Variants in TMEM108 observed in about 807,000 individuals in gnomAD.
TMEM108 encodes cancer/testis antigen 124.
Under a neutral mutation model 35.1 loss-of-function variants are expected in TMEM108, and 12 were observed. The observed-to-expected ratio is 0.34, with a 90% CI of 0.22 to 0.55. TMEM108 has a LOEUF of 0.55. Ranked by LOEUF, TMEM108 falls within the 20% of genes least tolerant of loss-of-function variation. The probability of loss-of-function intolerance (pLI) is 0.89; values close to 1 mark genes in which losing one functional copy is unlikely to be tolerated. For missense variants in TMEM108, 680 were observed against 753.3 expected (o/e 0.90, Z 1.14); for synonymous variants, 287 against 308.6 (o/e 0.93, Z 0.73).
intron 2 of TMEM108, among the ~76,000 whole-genome samples, chr3:133,057,433 GTGTATATATATATATATATA>G (rs1261842935): frequency 3.1e-3 from 77 of 24,852 alleles, no homozygotes; most frequent in African/African-American, 5.9e-3. Flanking sequence ...GTGTGTGTGT[GTGTATATATATATATATATA>G]TATATATATA....
intron 3 of TMEM108, among the ~76,000 whole-genome samples, chr3:133,311,041 A>G (rs1299077210): frequency 2.6e-5 from 4 of 152,182 alleles, no homozygotes; most frequent in South Asian, 2.1e-4. Context: ...AAGAATGTTG[A>G]ATATTGACCC....
chr3:133,380,467 A>C lies in TMEM108; in HGVS notation c.756A>C (p.Thr252=), dbSNP rs1414761183. The C allele has an allele frequency of 3.7e-6, 6 of 1,613,942 alleles. No individual in the cohort carries two copies. Among genetic ancestry groups the C allele is most frequent in the Non-Finnish European group, 5.1e-6 (6 of 1,179,980 alleles). Reference sequence around the variant, plus strand: ...ACTCCTCTTCACCACAGCCCCAGACAGTGGCTGCGACCACAGTGCCCAGCA... The same window carrying C: ...ACTCCTCTTCACCACAGCCCCAGACCGTGGCTGCGACCACAGTGCCCAGCA... ...WGYSSSPQPQ[T]VAATTVPSNT... is the part of the protein sequence containing the mutation. Residue 252 remains threonine (T), a synonymous_variant, in exon 4 of 6, where the codon ACA becomes ACC. Transcript: ENST00000321871. This position sits in a 1 kb window ranked among gnomAD's most constrained non-coding sequence, Gnocchi z 5.3.
chr3:133,248,519 G>C (rs1293306743), intron 3 of TMEM108: 2 of 152,184 alleles, frequency 1.3e-5, no homozygotes, highest in Non-Finnish European at 2.9e-5. Flanking sequence ...CCAGTGAACT[G>C]CTCCAGCCTT....
chr3:133,107,275 T>C (rs1370559927), intron 2 of TMEM108, among the ~76,000 whole-genome samples: 2 of 152,250 alleles, frequency 1.3e-5, no homozygotes, highest in East Asian at 1.9e-4. Context: ...TCTTAAAATA[T>C]GTATCTGCCT....
At chr3:133,368,485 T>A (rs1559932128) in intron 3 of TMEM108, among the ~76,000 whole-genome samples, 1 of 152,218 alleles carries the variant, frequency 6.6e-6, no homozygotes, top group African/African-American at 2.4e-5. Flanking sequence ...AATTGTGGAA[T>A]GAGAGGGTCT....
At chr3:133,075,755 G>A (rs938899064) in intron 2 of TMEM108, among the ~76,000 whole-genome samples, 9 of 152,108 alleles carry the variant, frequency 5.9e-5, no homozygotes, top group African/African-American at 2.2e-4. Context: ...AAGATCCCTG[G>A]GGAAAGATCA....
At chr3:133,081,395 T>A (rs961975147) in intron 2 of TMEM108, among the ~76,000 whole-genome samples, 5 of 152,158 alleles carry the variant, frequency 3.3e-5, no homozygotes, top group African/African-American at 1.2e-4. Flanking sequence ...AAGGCACTAA[T>A]CTCATCATAG....
intron 3 of TMEM108, among the ~76,000 whole-genome samples, chr3:133,321,666 T>C (rs1419752777): frequency 6.6e-6 from 1 of 152,156 alleles, no homozygotes; most frequent in Non-Finnish European, 1.5e-5. Flanking sequence ...AACTATGCCC[T>C]AGAACAAATG....
intron 3 of TMEM108, among the ~76,000 whole-genome samples, chr3:133,376,835 G>A (rs1180987057): frequency 2.0e-5 from 3 of 152,142 alleles, no homozygotes; most frequent in African/African-American, 7.2e-5. Flanking sequence ...TCCTTTTTCA[G>A]AGGATCTCTT....
At chr3:133,092,884 G>A (rs1943967001) in intron 2 of TMEM108, among the ~76,000 whole-genome samples, 1 of 151,968 alleles carries the variant, frequency 6.6e-6, no homozygotes. Context: ...ACAAAGCTGT[G>A]TAATCATCTA....
chr3:133,165,471 C>T (rs114798529), intron 2 of TMEM108, among the ~76,000 whole-genome samples: 2,704 of 152,198 alleles, frequency 0.018, 76 homozygotes, highest in African/African-American at 0.062. Flanking sequence ...ATTAAAAACT[C>T]CTCATGACAT....
At chr3:133,216,798 G>GTA (rs1381744624) in intron 2 of TMEM108, among the ~76,000 whole-genome samples, 4 of 152,030 alleles carry the variant, frequency 2.6e-5, no homozygotes, top group East Asian at 1.9e-4. Context: ...TCCATTGTGT[G>GTA]TATATATATA....
intron 2 of TMEM108, among the ~76,000 whole-genome samples, chr3:133,072,686 C>T (rs941178376): frequency 2.0e-5 from 3 of 152,032 alleles, no homozygotes; most frequent in African/African-American, 7.2e-5. Flanking sequence ...ATAAAATGCA[C>T]CTTTTAAAAA....
chr3:133,143,976 A>ATTTTAT (rs1261329215), intron 2 of TMEM108, among the ~76,000 whole-genome samples: 4 of 139,068 alleles, frequency 2.9e-5, no homozygotes, highest in African/African-American at 1.2e-4. Flanking sequence ...ATTTTATTTT[A>ATTTTAT]TTTTATTTTG....
At chr3:133,325,732 TAATAA>T (rs200995450) in intron 3 of TMEM108, among the ~76,000 whole-genome samples, 1,915 of 149,532 alleles carry the variant, frequency 0.013, 15 homozygotes, top group South Asian at 0.024. Context: ...ATATAAAAAA[TAATAA>T]AATAAAAATA....
chr3:133,115,028 A>C (rs569949447), intron 2 of TMEM108, among the ~76,000 whole-genome samples: 4 of 152,176 alleles, frequency 2.6e-5, no homozygotes, highest in African/African-American at 7.2e-5. Context: ...GAAATCAACA[A>C]ACAAGACCCT....
At chr3:133,123,189 G>T (rs568619160) in intron 2 of TMEM108, among the ~76,000 whole-genome samples, 5 of 151,956 alleles carry the variant, frequency 3.3e-5, no homozygotes, top group African/African-American at 7.3e-5. Flanking sequence ...ATTTTTAATG[G>T]CTATATTGTA....
rs565273319 is a variant in TMEM108 at position 133,227,619 on chromosome 3, AG to A, written c.-46-1645del. Reference sequence around the variant, plus strand: ...GCCTTAAAAACATTATGCTGAGGCCAGGCATGGTGGCTCACACCTGTAATCC... The same window carrying A: ...GCCTTAAAAACATTATGCTGAGGCCAGCATGGTGGCTCACACCTGTAATCC... On this transcript the variant is annotated intron_variant, in intron 2 of 5. Transcript: ENST00000321871. Among the ~76,000 whole-genome samples the A allele has an allele frequency of 1.9e-3, 286 of 151,902 alleles. 2 individuals are homozygous for A. Among genetic ancestry groups the A allele is most frequent in the African/African-American group, 6.6e-3 (272 of 41,492 alleles).
intron 2 of TMEM108, among the ~76,000 whole-genome samples, chr3:133,149,767 A>C (rs1048159826): frequency 2.0e-5 from 3 of 152,186 alleles, no homozygotes; most frequent in Non-Finnish European, 4.4e-5. Flanking sequence ...GTACATATAC[A>C]TAAGGGAATA....
Sources: gnomAD v4.1 joint callset for allele counts (sites outside exome capture counted in the v4.1 genomes callset) on GRCh38, gnomAD v4.1.1 for gene constraint, Gnocchi (gnomAD v3.1) non-coding constraint, MANE v1.5 for transcripts, NCBI Gene and HGNC (gene_info 2026-07-23, HGNC 2026-07-21) for gene names.